MALRD1: variants seen among roughly 807,000 people sequenced by gnomAD.
MALRD1 encodes MAM and LDL receptor class A domain containing 1, also known as MAM and LDL-receptor class A domain-containing protein 1.
In MALRD1, 247 loss-of-function variants were observed where a neutral mutation model predicts 242.1. That is an observed-to-expected ratio of 1.02 (90% confidence interval 0.92 to 1.13). MALRD1 has a LOEUF of 1.13. Ranked by LOEUF, MALRD1 falls within the 50% of genes most tolerant of loss-of-function variation. MALRD1 has a pLI of 0.00. For missense variants in MALRD1, 2,989 were observed against 2,533.1 expected (o/e 1.18, Z -3.86); for synonymous variants, 995 against 866.6 (o/e 1.15, Z -2.60).
chr10:19,565,613 G>A (rs566540079), intron 32 of MALRD1, among the ~76,000 whole-genome samples: 1 of 152,120 alleles, frequency 6.6e-6, no homozygotes, highest in South Asian at 2.1e-4. Flanking sequence ...TTTAAGAAAT[G>A]GAAAAGTAAT....
At chr10:19,361,021 T>C (rs1844872103) in intron 26 of MALRD1, among the ~76,000 whole-genome samples, 1 of 152,054 alleles carries the variant, frequency 6.6e-6, no homozygotes, top group African/African-American at 2.4e-5. Flanking sequence ...CATTGTTTTA[T>C]CAAATCACCC....
At position 19,209,494 on chromosome 10, in the gene MALRD1, C is replaced by T; in HGVS notation, c.2805C>T (p.Ala935=). The change falls in exon 18 of 40, where the codon GCC becomes GCT. Residue 935 remains alanine, a synonymous_variant. Transcript: ENST00000454679. ...SAALLSPILN[A]TDTKGCTFRF... ...CCTTACTCAGCCCAATCCTTAATGC[C>T]ACTGATACAAAAGGCTGCACCTTCC... 6.4e-7 allele frequency: 1 copy of T among 1,550,730 alleles called. No individual in the cohort carries two copies. Among genetic ancestry groups the T allele is most frequent in the Non-Finnish European group, 8.7e-7 (1 of 1,147,014 alleles).
rs138554767 is a variant in MALRD1 at position 19,262,424 on chromosome 10, G to A, written c.3079+4653G>A. ...TAATCCTAGCACTTTGGGAAGCTGA[G>A]GTGGGCAGATCACCTAAGGTCAGGA... On this transcript the variant is annotated intron_variant, in intron 19 of 39. Coordinates refer to ENST00000454679, the MANE Select transcript of MALRD1 (RefSeq NM_001142308.3). Among the ~76,000 whole-genome samples the A allele has an allele frequency of 2.2e-3, 335 of 152,116 alleles. 2 individuals are homozygous for A. The highest frequency in any genetic ancestry group is 7.7e-3 in the African/African-American group (321 of 41,516).
chr10:19,669,908 A>G (rs143863540), intron 36 of MALRD1, among the ~76,000 whole-genome samples: 1 of 152,302 alleles, frequency 6.6e-6, no homozygotes, highest in African/African-American at 2.4e-5. Flanking sequence ...AACCTCACGC[A>G]TGTTTATTAT....
intron 24 of MALRD1, among the ~76,000 whole-genome samples, chr10:19,335,042 G>A (rs781170059): frequency 6.6e-6 from 1 of 152,016 alleles, no homozygotes; most frequent in Non-Finnish European, 1.5e-5. Flanking sequence ...TTTACCAAGG[G>A]AATCGGAAAC....
At chr10:19,406,479 A>G (rs138205061) in intron 28 of MALRD1, among the ~76,000 whole-genome samples, 80 of 152,260 alleles carry the variant, frequency 5.3e-4, no homozygotes, top group Non-Finnish European at 7.8e-4. Flanking sequence ...GTTCAGTGAT[A>G]GCTGGGCCTC....
chr10:19,647,658 G>C lies in MALRD1; in HGVS notation c.6137+31735G>C, dbSNP rs143522716. ...GTAAGTTGTGCAACTGATAGAGCAA[G>C]AACTGTCCAACTGGTTTAACCTGGG... On this transcript the variant is annotated intron_variant, in intron 36 of 39. Transcript: ENST00000454679. Among the ~76,000 whole-genome samples, 649 of 152,264 alleles carry C rather than the reference G, an allele frequency of 4.3e-3. 9 individuals carry two copies. The highest frequency in any genetic ancestry group is 3.6e-3 in the Non-Finnish European group (242 of 68,018).
At chr10:19,465,435 T>A (rs193069232) in intron 29 of MALRD1, among the ~76,000 whole-genome samples, 64 of 152,332 alleles carry the variant, frequency 4.2e-4, no homozygotes, top group Middle Eastern at 3.4e-3. Context: ...TAAGAATTTG[T>A]ATCAAATGTA....
chr10:19,186,516 G>A (rs561654487), intron 14 of MALRD1, among the ~76,000 whole-genome samples: 1 of 152,286 alleles, frequency 6.6e-6, no homozygotes, highest in South Asian at 2.1e-4. Flanking sequence ...GGAGAATTCA[G>A]GATAGTAGTG....
At chr10:19,568,116 A>G (rs1434563337) in intron 33 of MALRD1, among the ~76,000 whole-genome samples, 2 of 152,060 alleles carry the variant, frequency 1.3e-5, no homozygotes, top group African/African-American at 2.4e-5. Context: ...AACCGTTTCT[A>G]TTGTACAAGC....
intron 18 of MALRD1, among the ~76,000 whole-genome samples, chr10:19,249,524 C>A (rs1029400320): frequency 6.6e-6 from 1 of 151,820 alleles, no homozygotes; most frequent in African/African-American, 2.4e-5. Context: ...TCTTAAAATA[C>A]ATTAAGAGCT....
At chr10:19,655,540 A>G (rs1342676737) in intron 36 of MALRD1, among the ~76,000 whole-genome samples, 2 of 43,840 alleles carry the variant, frequency 4.6e-5, no homozygotes, top group South Asian at 1.0e-3. Flanking sequence ...GTATATATAT[A>G]TATATATATA....
intron 28 of MALRD1, among the ~76,000 whole-genome samples, chr10:19,435,264 G>A (rs186112663): frequency 2.0e-5 from 3 of 152,000 alleles, no homozygotes; most frequent in Non-Finnish European, 2.9e-5. Context: ...AGATAGTACA[G>A]GGAGTTCCTG....
intron 21 of MALRD1, among the ~76,000 whole-genome samples, chr10:19,283,486 C>A (rs933085158): frequency 2.0e-5 from 3 of 151,986 alleles, no homozygotes; most frequent in Non-Finnish European, 4.4e-5. Context: ...GATGTCTTGC[C>A]TCCCCAAATG....
chr10:19,110,030 T>C (rs566450388), intron 5 of MALRD1, among the ~76,000 whole-genome samples: 1 of 152,294 alleles, frequency 6.6e-6, no homozygotes, highest in South Asian at 2.1e-4. Context: ...AAAGATAGGG[T>C]ATTTTCTTCC....
rs549396031 is a variant in MALRD1 at position 19,361,761 on chromosome 10, A to G, written c.4441+9464A>G. On this transcript the variant is annotated intron_variant, in intron 26 of 39. Transcript: ENST00000454679. ...ACTCCTCTAACCATTTCAACATTTT[A>G]TCTATGTAAAATTCTCTCCATAAAA... 5.9e-5 allele frequency among the ~76,000 whole-genome samples: 9 copies of G among 152,214 alleles called. No homozygotes were observed. The East Asian group carries it at 1.7e-3, about 29-fold the overall frequency.
chr10:19,595,772 A>G (rs1014942326), intron 34 of MALRD1, among the ~76,000 whole-genome samples: 1 of 152,130 alleles, frequency 6.6e-6, no homozygotes, highest in African/African-American at 2.4e-5. Flanking sequence ...TGGTGTGAGA[A>G]GTTCAGTTAG....
intron 10 of MALRD1, among the ~76,000 whole-genome samples, chr10:19,144,660 A>T (rs1833668884): frequency 2.0e-5 from 3 of 152,166 alleles, no homozygotes; most frequent in Admixed American, 1.3e-4. Context: ...GAGTCTTTTT[A>T]ATTATGAAAC....
chr10:19,509,596 T>C (rs908400705), intron 31 of MALRD1, among the ~76,000 whole-genome samples: 1 of 152,178 alleles, frequency 6.6e-6, no homozygotes, highest in African/African-American at 2.4e-5. Context: ...ATAGTGGATA[T>C]ATTTGGTCTC....
Sources: allele counts gnomAD v4.1 joint callset (sites outside exome capture counted in the v4.1 genomes callset), GRCh38; gene constraint gnomAD v4.1.1; transcripts MANE v1.5; gene names NCBI Gene and HGNC (gene_info 2026-07-23, HGNC 2026-07-21).